The following FBXO39 variants were observed in gnomAD, a reference collection of about 807,000 sequenced individuals.
FBXO39 encodes F-box protein 39.
A neutral mutation model predicts 36.6 loss-of-function variants in FBXO39; 22 were observed. The ratio of observed to expected loss-of-function variants is 0.60; its 90% CI spans 0.43 to 0.86. The LOEUF (loss-of-function observed/expected upper bound fraction) is 0.86, where lower values mean the gene tolerates loss of function less well. Ranked by LOEUF, FBXO39 falls within the 40% of genes least tolerant of loss-of-function variation. FBXO39 has a pLI of 0.00. For synonymous variants in FBXO39, 206 were observed against 205.8 expected, an observed-to-expected ratio of 1.00 and a Z score of -0.01; for missense variants, 536 against 543.9, an observed-to-expected ratio of 0.99 and a Z score of 0.14.
chr17:6,784,537 A>ACAAAAACAAAAAC (rs1976543356), intron 2 of FBXO39, among the ~76,000 whole-genome samples: 1 of 150,756 alleles, frequency 6.6e-6, no homozygotes, highest in African/African-American at 2.4e-5. Flanking sequence ...AAAAACAAAA[A>ACAAAAACAAAAAC]AAACTATCAG....
intron 1 of FBXO39, among the ~76,000 whole-genome samples, chr17:6,777,185 G>A (rs1265988778): frequency 6.6e-6 from 1 of 151,986 alleles, no homozygotes; most frequent in Admixed American, 6.6e-5. Context: ...GTGGTTTGCT[G>A]CACCCATCAA....
Position 6,780,016 on chromosome 17 carries a change from A to G in FBXO39, c.148A>G (p.Met50Val). The change falls in exon 2 of 4, where the codon ATG (methionine) becomes GTG (valine). Residue 50 changes from methionine to valine, a missense_variant. Met to Val is a conservative substitution (Grantham distance 21). Coordinates refer to ENST00000321535, the MANE Select transcript of FBXO39 (RefSeq NM_153230.3). ...TGTCTGCAGAAAGTGGAACCAGATGATGTATTCTGCTGAGCTCTGGCGGTA... is the reference window on the plus strand; with the variant it reads ...TGTCTGCAGAAAGTGGAACCAGATGGTGTATTCTGCTGAGCTCTGGCGGTA... ...ALVCRKWNQM[M>V]YSAELWRYRT... The G allele has an allele frequency of 1.9e-6, 3 of 1,614,190 alleles. No homozygotes were observed. The highest frequency in any genetic ancestry group is 2.7e-5 in the African/African-American group (2 of 75,046).
chr17:6,787,238 A>ATGTGTGTG, intron 3 of FBXO39, 62 bp from the exon 4 acceptor site: 5 of 873,478 alleles, frequency 5.7e-6, no homozygotes, highest in Non-Finnish European at 7.3e-6. Context: ...GTGTGTGTGT[A>ATGTGTGTG]TGTGTGTGTG....
chr17:6,787,513 C>A lies in FBXO39; in HGVS notation c.*85C>A. Reference sequence around the variant, plus strand: ...AGAACTACACTTGGGCACTGCCGGCCCTTTTGCTCCTCTCTCTCCCCTCCA... The same window carrying A: ...AGAACTACACTTGGGCACTGCCGGCACTTTTGCTCCTCTCTCTCCCCTCCA... On this transcript the variant is annotated 3_prime_UTR_variant, in exon 4 of 4. Coordinates refer to ENST00000321535, the MANE Select transcript of FBXO39 (RefSeq NM_153230.3). 6.6e-7 allele frequency: 1 copy of A among 1,519,998 alleles called. No individual in the cohort carries two copies. Among genetic ancestry groups the A allele is most frequent in the South Asian group, 1.2e-5 (1 of 83,846 alleles). 94.2% of individuals were successfully genotyped at this position (1,519,998 alleles called of 1,614,324 possible).
chr17:6,779,175 C>T (rs1976471343), intron 1 of FBXO39, among the ~76,000 whole-genome samples: 1 of 152,210 alleles, frequency 6.6e-6, no homozygotes. Context: ...GTGGGACTCT[C>T]TGGCCTCTAG....
intron 1 of FBXO39, among the ~76,000 whole-genome samples, chr17:6,778,473 G>A (rs1181327669): frequency 2.6e-5 from 4 of 152,166 alleles, no homozygotes; most frequent in Non-Finnish European, 5.9e-5. Context: ...TCTGGGGCCC[G>A]ATACTAACTT....
chr17:6,780,983 A>C, intron 2 of FBXO39, 92 bp downstream of exon 2: 2 of 1,329,234 alleles, frequency 1.5e-6, no homozygotes, highest in Non-Finnish European at 2.0e-6. Context: ...TAGGCTCCCA[A>C]ATGTTCACTC....
rs1438073990 is a variant in FBXO39 at position 6,780,361 on chromosome 17, G to T, written c.493G>T (p.Asp165Tyr). Reference sequence around the variant, plus strand: ...CTTAAAGAAGATGGGCAAACGCCTGGATTATCTCAACCTAAAAGGGGCCAG... The same window carrying T: ...CTTAAAGAAGATGGGCAAACGCCTGTATTATCTCAACCTAAAAGGGGCCAG... The part of the protein sequence containing the change: ...FFLKKMGKRL[D>Y]YLNLKGARLT... Residue 165 changes from aspartate to tyrosine, a missense_variant, in exon 2 of 4, where the codon GAT (aspartate) becomes TAT (tyrosine). Physicochemically the swap from Asp to Tyr is radical, Grantham distance 160. Transcript: ENST00000321535. 1 of 1,614,002 alleles carries T rather than the reference G, an allele frequency of 6.2e-7. No homozygotes were observed. The highest frequency in any genetic ancestry group is 1.7e-5 in the Admixed American group (1 of 59,992).
At chr17:6,785,806 T>G (rs781416173) in intron 2 of FBXO39, among the ~76,000 whole-genome samples, 4 of 152,060 alleles carry the variant, frequency 2.6e-5, no homozygotes, top group Non-Finnish European at 2.9e-5. Context: ...AATGAGATAT[T>G]ATCTCACCCC....
chr17:6,786,819 G>A lies in FBXO39; in HGVS notation c.1063G>A (p.Asp355Asn), dbSNP rs757609993. 9 of 1,612,492 alleles carry A rather than the reference G, an allele frequency of 5.6e-6. No individual in the cohort carries two copies. Among genetic ancestry groups the A allele is most frequent in the South Asian group, 5.5e-5 (5 of 90,884 alleles). ...CEFNNNHESL[D>N]EELHLLIISC... is the part of the protein sequence containing the mutation. Reference sequence around the variant, plus strand: ...ATTCAACAACAACCATGAGTCACTCGACGAGGAGCTGCACCTCCTCATCAT... The same window carrying A: ...ATTCAACAACAACCATGAGTCACTCAACGAGGAGCTGCACCTCCTCATCAT... Residue 355 changes from aspartate (D) to asparagine (N), a missense_variant, in exon 3 of 4, where the codon GAC becomes AAC. Asp to Asn is a conservative substitution (Grantham distance 23). Coordinates refer to ENST00000321535, the MANE Select transcript of FBXO39 (RefSeq NM_153230.3).
chr17:6,786,755 A>G (rs749658750), intron 2 of FBXO39, 25 bp from the exon 3 acceptor site: 13 of 1,579,666 alleles, frequency 8.2e-6, no homozygotes, highest in African/African-American at 1.3e-5. Flanking sequence ...GCCCACACAC[A>G]TCTTCCCTTT....
rs59797055 is a variant in FBXO39, at chr17:6,781,081, C to T, written c.1023+190C>T. Among the ~76,000 whole-genome samples, 695 of 152,364 alleles carry T rather than the reference C, an allele frequency of 4.6e-3. 6 individuals carry two copies. The highest frequency in any genetic ancestry group is 0.016 in the African/African-American group (669 of 41,576). ...ACAGTAGGCAACAGAAGCTGCTACT[C>T]ACTTCCTACATGTGGTACAGACACA... On this transcript the variant is annotated intron_variant, in intron 2 of 3. Transcript: ENST00000321535.
rs778665808 is a variant in FBXO39, at chr17:6,780,809, G to T, written c.941G>T (p.Arg314Ile). 27 of 1,614,014 alleles carry T rather than the reference G, an allele frequency of 1.7e-5. No homozygotes were observed. Among genetic ancestry groups the T allele is most frequent in the Non-Finnish European group, 2.3e-5 (27 of 1,180,042 alleles). Residue 314 changes from arginine to isoleucine, a missense_variant, in exon 2 of 4, where the codon AGA becomes ATA. Arg to Ile is a moderately conservative substitution (Grantham distance 97, BLOSUM62 -3). Transcript: ENST00000321535. ...ATCCCGATCAGGAGCATCAGTCTGA[G>T]AAGCTGCTATTTCAGTGACCCAGAC... ...QEIPIRSISLRSCYFSDPDCS... is the reference protein window; with the variant it reads ...QEIPIRSISLISCYFSDPDCS...
intron 1 of FBXO39, among the ~76,000 whole-genome samples, chr17:6,777,952 TGA>T (rs1414334665): frequency 3.3e-5 from 5 of 151,546 alleles, no homozygotes; most frequent in Non-Finnish European, 5.9e-5. Flanking sequence ...GAGTGGGTGG[TGA>T]GAGAAAGTGA....
intron 3 of FBXO39, 51 bp from the exon 4 acceptor site, chr17:6,787,249 T>TGCGCGCGCGCGC: frequency 6.4e-7 from 1 of 1,552,972 alleles, no homozygotes; most frequent in Non-Finnish European, 8.8e-7. Flanking sequence ...TGTGTGTGTG[T>TGCGCGCGCGCGC]GTGTGCGTGT....
Position 6,786,821 on chromosome 17 carries a change from C to G in FBXO39, c.1065C>G (p.Asp355Glu), listed in dbSNP as rs555381081. ...CEFNNNHESL[D>E]EELHLLIISC... Reference sequence around the variant, plus strand: ...TCAACAACAACCATGAGTCACTCGACGAGGAGCTGCACCTCCTCATCATAT... The same window carrying G: ...TCAACAACAACCATGAGTCACTCGAGGAGGAGCTGCACCTCCTCATCATAT... The change falls in exon 3 of 4, where the codon GAC becomes GAG. Residue 355 changes from aspartate (D) to glutamate (E), a missense_variant. Transcript: ENST00000321535. 4 of 1,612,206 alleles carry G rather than the reference C, an allele frequency of 2.5e-6. No individual in the cohort carries two copies.
Position 6,780,662 on chromosome 17 carries a change from G to A in FBXO39, c.794G>A (p.Gly265Glu), listed in dbSNP as rs770512910. The change falls in exon 2 of 4, where the codon GGA becomes GAA. Residue 265 changes from glycine (G) to glutamate (E), a missense_variant. Transcript: ENST00000321535. Reference protein sequence around the residue: ...NIKCHVHDPHGQVIWGMSWAK... With the variant: ...NIKCHVHDPHEQVIWGMSWAK... ...AAATGCCACGTTCATGACCCCCACG[G>A]ACAGGTCATCTGGGGTATGTCCTGG... The A allele has an allele frequency of 3.6e-5, 58 of 1,614,068 alleles. No individual in the cohort carries two copies. In the East Asian group the frequency reaches 1.2e-3, roughly 35 times the overall value.
chr17:6,784,531 A>ACAAAAT (rs1403959592), intron 2 of FBXO39, among the ~76,000 whole-genome samples: 1 of 148,316 alleles, frequency 6.7e-6, no homozygotes, highest in Admixed American at 6.6e-5. Flanking sequence ...AAAAACAAAA[A>ACAAAAT]CAAAAAAAAC....
rs772219882 is a variant in FBXO39, at chr17:6,786,822, G to C, written c.1066G>C (p.Glu356Gln). The part of the protein sequence containing the change: ...EFNNNHESLD[E>Q]ELHLLIISCR... ...CAACAACAACCATGAGTCACTCGAC[G>C]AGGAGCTGCACCTCCTCATCATATC... Residue 356 changes from glutamate (E) to glutamine (Q), a missense_variant, in exon 3 of 4, where the codon GAG (glutamate) becomes CAG (glutamine). By Grantham distance (29) the Glu-to-Gln change is conservative. Coordinates refer to ENST00000321535, the MANE Select transcript of FBXO39 (RefSeq NM_153230.3). 6.2e-7 allele frequency: 1 copy of C among 1,612,490 alleles called. No homozygotes were observed. The highest frequency in any genetic ancestry group is 8.5e-7 in the Non-Finnish European group (1 of 1,179,508).
Sources: allele counts gnomAD v4.1 joint callset (sites outside exome capture counted in the v4.1 genomes callset), GRCh38; gene constraint gnomAD v4.1.1; transcripts MANE v1.5; gene names NCBI Gene and HGNC (gene_info 2026-07-23, HGNC 2026-07-21).